PALMD: variants seen among roughly 807,000 people sequenced by gnomAD.
The protein encoded by PALMD is paralemmin-like protein.
PALMD carries 42 observed loss-of-function variants against 56.2 expected under a neutral mutation model. The ratio of observed to expected loss-of-function variants is 0.75; its 90% confidence interval spans 0.58 to 0.97. The LOEUF (loss-of-function observed/expected upper bound fraction) is 0.97, where lower values mean the gene tolerates loss of function less well. Ranked by LOEUF, PALMD falls within the 50% of genes least tolerant of loss-of-function variation. The pLI, the probability that PALMD is intolerant of heterozygous loss-of-function variation, is 0.00. For missense variants in PALMD, 660 were observed against 643.8 expected, an observed-to-expected ratio of 1.03 and a Z score of -0.27; for synonymous variants, 242 against 222.9, an observed-to-expected ratio of 1.09 and a Z score of -0.76.
chr1:99,689,908 G>T (rs768276537), intron 7 of PALMD, 36 bp downstream of exon 7: 3 of 1,544,112 alleles, frequency 1.9e-6, no homozygotes, highest in African/African-American at 2.7e-5. Context: ...CTGCTGTTCA[G>T]TCATGTGACC....
chr1:99,646,335 G>T lies in PALMD; in HGVS notation c.18G>T (p.Leu6=), dbSNP rs1174735653. Residue 6 remains leucine, a synonymous_variant, in exon 1 of 8, where the codon CTG becomes CTT. Transcript: ENST00000263174. ...CTTCTAGAATGGAAGAAGCTGAGCT[G>T]GTGAAGGGAAGACTCCAGGCCATCA... MEEAE[L]VKGRLQAITD... is the part of the protein sequence containing the mutation. 6.2e-7 allele frequency: 1 copy of T among 1,613,346 alleles called. No homozygotes were observed. Among genetic ancestry groups the T allele is most frequent in the Admixed American group, 1.7e-5 (1 of 60,022 alleles).
At chr1:99,660,615 A>C (rs1180866541) in intron 1 of PALMD, among the ~76,000 whole-genome samples, 1 of 151,132 alleles carries the variant, frequency 6.6e-6, no homozygotes, top group Non-Finnish European at 1.5e-5. Context: ...AGTGATTCTC[A>C]AGATCCATGC....
In PALMD at chr1:99,664,606, T is replaced by G. The variant is rs551633351; in HGVS notation, c.126+2207T>G. Among the ~76,000 whole-genome samples, 242 of 152,170 alleles carry G rather than the reference T, an allele frequency of 1.6e-3. 1 individual carries two copies. Among genetic ancestry groups the G allele is most frequent in the African/African-American group, 5.5e-3 (230 of 41,538 alleles). ...TCAGTAGAGCACATTCTTCCAAGTT[T>G]TGCAAAAAATAGTTGTCTATACCAA... On this transcript the variant is annotated intron_variant, in intron 2 of 7. Coordinates refer to ENST00000263174, the MANE Select transcript of PALMD (RefSeq NM_017734.5).
At chr1:99,672,894 T>TTTTTTTAAGGCC (rs1414016928) in intron 3 of PALMD, among the ~76,000 whole-genome samples, 3 of 152,132 alleles carry the variant, frequency 2.0e-5, no homozygotes, top group Non-Finnish European at 4.4e-5. Flanking sequence ...CTTCTGACCT[T>TTTTTTTAAGGCC]CTGCCTTCTT....
chr1:99,656,703 T>A (rs1242939323), intron 1 of PALMD, among the ~76,000 whole-genome samples: 1 of 152,162 alleles, frequency 6.6e-6, no homozygotes, highest in Admixed American at 6.5e-5. Context: ...CAACCATGCT[T>A]TTCTTTTGTA....
intron 1 of PALMD, among the ~76,000 whole-genome samples, chr1:99,653,282 A>T (rs2100854101): frequency 6.6e-6 from 1 of 152,304 alleles, no homozygotes; most frequent in East Asian, 1.9e-4. Context: ...ATTTTTTTTC[A>T]CTGAAGACCC....
chr1:99,665,040 T>C (rs999006194), intron 2 of PALMD, among the ~76,000 whole-genome samples: 2 of 152,168 alleles, frequency 1.3e-5, no homozygotes, highest in African/African-American at 4.8e-5. Context: ...ATTTTTTTTC[T>C]GTATGGATCT....
At chr1:99,690,878 G>T (rs1653639445) in intron 7 of PALMD, among the ~76,000 whole-genome samples, 1 of 152,094 alleles carries the variant, frequency 6.6e-6, no homozygotes, top group Admixed American at 6.6e-5. Context: ...TGGCAGTGTG[G>T]TAGTACCTGC....
intron 3 of PALMD, among the ~76,000 whole-genome samples, chr1:99,679,938 A>C (rs1653301051): frequency 6.6e-6 from 1 of 152,230 alleles, no homozygotes; most frequent in Non-Finnish European, 1.5e-5. Context: ...TGCCTGGTGC[A>C]ATGGAAATAT....
At chr1:99,665,200 A>G (rs1292627272) in intron 2 of PALMD, among the ~76,000 whole-genome samples, 1 of 152,164 alleles carries the variant, frequency 6.6e-6, no homozygotes, top group African/African-American at 2.4e-5. Context: ...GGGTAGATAT[A>G]GAAGTGCTCA....
rs367894834 is a variant in PALMD, at chr1:99,670,789, A to T, written c.251+3023A>T. ...AAATATCTATGCCTTGTCTGTATTAAGCAACCTCCCCTACTGCCCAGCATT... is the reference window on the plus strand; with the variant it reads ...AAATATCTATGCCTTGTCTGTATTATGCAACCTCCCCTACTGCCCAGCATT... On this transcript the variant is annotated intron_variant, in intron 3 of 7. Transcript: ENST00000263174. Among the ~76,000 whole-genome samples, 26 of 152,330 alleles carry T rather than the reference A, an allele frequency of 1.7e-4. 1 individual carries two copies. The highest frequency in any genetic ancestry group is 6.0e-4 in the African/African-American group (25 of 41,582).
At position 99,650,839 on chromosome 1, in the gene PALMD, G is replaced by A. The variant is rs192274000; in HGVS notation, c.45+4477G>A. ...TGGCCATACATATTTTTCCTTATTCGTTCTATCTGAACAAATAAGAGAGTA... is the reference window on the plus strand; with the variant it reads ...TGGCCATACATATTTTTCCTTATTCATTCTATCTGAACAAATAAGAGAGTA... On this transcript the variant is annotated intron_variant, in intron 1 of 7. Transcript: ENST00000263174. Among the ~76,000 whole-genome samples, 377 of 152,186 alleles carry A rather than the reference G, an allele frequency of 2.5e-3. 8 individuals carry two copies. Among genetic ancestry groups the A allele is most frequent in the East Asian group, 0.021 (109 of 5,178 alleles).
chr1:99,689,782 G>GA lies in PALMD; in HGVS notation c.1523dup (p.Gln509AlafsTer15), dbSNP rs747078293. The GA allele has an allele frequency of 1.2e-6, 2 of 1,613,800 alleles. No individual in the cohort carries two copies. The highest frequency in any genetic ancestry group is 2.2e-5 in the South Asian group (2 of 91,072). On this transcript the variant is annotated frameshift_variant, in exon 7 of 8. Transcript: ENST00000263174. LOFTEE classifies it high-confidence loss of function. ...CCACAAAAATTCCATATCTCTGAAA[G>GA]AGCAAGAAGAAAGCTTAGGCAGCCC...
At chr1:99,657,227 A>G (rs888239154) in intron 1 of PALMD, among the ~76,000 whole-genome samples, 1 of 152,174 alleles carries the variant, frequency 6.6e-6, no homozygotes, top group Non-Finnish European at 1.5e-5. Context: ...TGCCTAGCAG[A>G]TAATTCTACC....
intron 1 of PALMD, among the ~76,000 whole-genome samples, chr1:99,655,341 G>A (rs373616532): frequency 4.0e-4 from 60 of 151,818 alleles, no homozygotes; most frequent in Middle Eastern, 3.4e-3. Flanking sequence ...TATTAAAACC[G>A]TCTTAACCTT....
Position 99,686,764 on chromosome 1 carries a change from G to A in PALMD, c.340G>A (p.Glu114Lys). The A allele has an allele frequency of 6.3e-7, 1 of 1,597,142 alleles. No individual in the cohort carries two copies. The highest frequency in any genetic ancestry group is 1.7e-5 in the Admixed American group (1 of 59,638). Residue 114 changes from glutamate to lysine, a missense_variant, in exon 4 of 8, where the codon GAG becomes AAG. By Grantham distance (56) the Glu-to-Lys change is moderately conservative. Transcript: ENST00000263174. ...CATTTTAAAGAAACTAAAGTCAATT[G>A]AGCGGACAACAGAAGACATTATAAG... is the stretch of plus-strand genomic sequence containing the variant. The part of the protein sequence containing the change: ...EAILKKLKSI[E>K]RTTEDIIRSV...
Position 99,646,275 on chromosome 1 carries a change from G to C in PALMD, c.-43G>C. ...CCAGGAGGCTCCTTGATTTATGGTA[G>C]CTTTGGACTTGCTTCCCCGTCTGAC... On this transcript the variant is annotated 5_prime_UTR_variant, in exon 1 of 8. Coordinates refer to ENST00000263174, the MANE Select transcript of PALMD (RefSeq NM_017734.5). 1 of 1,566,672 alleles carries C rather than the reference G, an allele frequency of 6.4e-7. No homozygotes were observed. Among genetic ancestry groups the C allele is most frequent in the Non-Finnish European group, 8.8e-7 (1 of 1,137,020 alleles).
intron 3 of PALMD, chr1:99,684,925 A>T (rs1354482017): frequency 6.6e-6 from 1 of 152,218 alleles, no homozygotes; most frequent in African/African-American, 2.4e-5. Flanking sequence ...CTAGGCCCTG[A>T]TGTGCAAGAG....
At chr1:99,665,368 C>T (rs1652939342) in intron 2 of PALMD, among the ~76,000 whole-genome samples, 1 of 152,042 alleles carries the variant, frequency 6.6e-6, no homozygotes, top group African/African-American at 2.4e-5. Context: ...TAAACTGTGA[C>T]ATAAAAGCAA....
Sources: allele counts gnomAD v4.1 joint callset (sites outside exome capture counted in the v4.1 genomes callset), GRCh38; gene constraint gnomAD v4.1.1; transcripts MANE v1.5; gene names NCBI Gene and HGNC (gene_info 2026-07-23, HGNC 2026-07-21).